Variants in CRKL observed in about 807,000 individuals in gnomAD.
The protein encoded by CRKL is CRK like proto-oncogene, adaptor protein, also known as crk-like protein.
In CRKL, 3 loss-of-function variants were observed where a neutral mutation model predicts 23.0. That is an observed-to-expected ratio of 0.13 (90% CI 0.06 to 0.34). The LOEUF is 0.34. Among genes scored for constraint, CRKL ranks in the 10% least tolerant of loss-of-function variants. The pLI is 1.00. For synonymous variants in CRKL, 188 were observed against 160.7 expected (o/e 1.17, Z -1.28); for missense variants, 256 against 394.5 (o/e 0.65, Z 2.97).
rs936540793 is a variant in CRKL at position 20,933,817 on chromosome 22, A to G, written c.350A>G (p.Asn117Ser). ...SPPMGSVSAP[N>S]LPTAEDNLEY... Reference sequence around the variant, plus strand: ...CCAATGGGATCTGTCTCAGCACCCAACCTGCCTACAGCAGAAGATAACCTG... The same window carrying G: ...CCAATGGGATCTGTCTCAGCACCCAGCCTGCCTACAGCAGAAGATAACCTG... Residue 117 changes from asparagine (N) to serine (S), a missense_variant, in exon 2 of 3, where the codon AAC becomes AGC. This residue lies in a region of CRKL where 42 missense variants were observed against 32.7 expected (regional missense o/e 1.29). Transcript: ENST00000354336. 27 of 1,614,022 alleles carry G rather than the reference A, an allele frequency of 1.7e-5. No individual in the cohort carries two copies. The highest frequency in any genetic ancestry group is 2.2e-5 in the South Asian group (2 of 91,080).
In CRKL at chr22:20,949,908, G is replaced by A. The variant is rs1922202635; in HGVS notation, c.*63G>A. On this transcript the variant is annotated 3_prime_UTR_variant, in exon 3 of 3. Transcript: ENST00000354336. ...CCTGTCCTAGTCTCCTTTGAAGTGG[G>A]AAAGCATTTTCTCTCATAGGCAAGT... is the stretch of plus-strand genomic sequence containing the variant. 1.3e-6 allele frequency: 2 copies of A among 1,545,976 alleles called. No individual in the cohort carries two copies. Among genetic ancestry groups the A allele is most frequent in the South Asian group, 2.5e-5 (2 of 80,688 alleles).
Position 20,917,563 on chromosome 22 carries a change from G to A in CRKL, c.-372G>A. On this transcript the variant is annotated 5_prime_UTR_variant, in exon 1 of 3. Coordinates refer to ENST00000354336, the MANE Select transcript of CRKL (RefSeq NM_005207.4). ...GCCTCGTGTGACGGCGGGGGTCGGT[G>A]AAGACCCGTCGAGCTGCGGCGCCGG... is the stretch of plus-strand genomic sequence containing the variant. The A allele has an allele frequency of 9.7e-6, 3 of 308,008 alleles. No individual in the cohort carries two copies. The highest frequency in any genetic ancestry group is 1.8e-5 in the Non-Finnish European group (3 of 167,396). The allele number at this position is 308,008 out of a possible 1,614,324, so 19.1% of individuals were successfully genotyped here.
In CRKL at chr22:20,933,998, T is replaced by C. The variant is rs1443578907; in HGVS notation, c.531T>C (p.Tyr177=). ...DGRVGMIPVP[Y]VEKLVRSSPH... is the part of the protein sequence containing the mutation. ...GGGTTGGGATGATTCCTGTCCCTTA[T>C]GTCGAAAAGCTTGTGAGATCCTCAC... Residue 177 remains tyrosine, a synonymous_variant, in exon 2 of 3, where the codon TAT becomes TAC. Coordinates refer to ENST00000354336, the MANE Select transcript of CRKL (RefSeq NM_005207.4). The C allele has an allele frequency of 1.9e-6, 3 of 1,614,174 alleles. No homozygotes were observed. Among genetic ancestry groups the C allele is most frequent in the Admixed American group, 1.7e-5 (1 of 60,012 alleles).
At chr22:20,925,016 C>T (rs1054265052) in intron 1 of CRKL, among the ~76,000 whole-genome samples, 9 of 151,766 alleles carry the variant, frequency 5.9e-5, no homozygotes, top group Non-Finnish European at 1.0e-4. Context: ...AGTGAAACCC[C>T]GTCTCTACTA....
intron 2 of CRKL, among the ~76,000 whole-genome samples, chr22:20,943,507 C>G (rs546575424): frequency 1.1e-4 from 16 of 152,186 alleles, no homozygotes; most frequent in Non-Finnish European, 2.1e-4. Flanking sequence ...CCCAAAGTGC[C>G]AGGATTACAG....
intron 1 of CRKL, among the ~76,000 whole-genome samples, chr22:20,922,311 C>G (rs1921023606): frequency 6.6e-6 from 1 of 151,756 alleles, no homozygotes; most frequent in African/African-American, 2.4e-5. Context: ...GTGAGCCACC[C>G]TCTCCGGCCT....
intron 2 of CRKL, among the ~76,000 whole-genome samples, chr22:20,948,010 T>C (rs1192180801): frequency 2.0e-5 from 3 of 152,194 alleles, no homozygotes; most frequent in African/African-American, 7.2e-5. Flanking sequence ...ACTATGTTAT[T>C]ATCTGACAAA....
intron 2 of CRKL, among the ~76,000 whole-genome samples, chr22:20,942,655 C>G (rs1921921734): frequency 6.6e-6 from 1 of 151,654 alleles, no homozygotes; most frequent in African/African-American, 2.4e-5. Context: ...GAGTTTTGCT[C>G]TGTTGCCCAG....
chr22:20,918,896 C>T (rs1929789153), intron 1 of CRKL, among the ~76,000 whole-genome samples: 1 of 151,908 alleles, frequency 6.6e-6, no homozygotes, highest in South Asian at 2.1e-4. Context: ...GGCCAAAAAC[C>T]GTTTTTAAGC....
Position 20,937,933 on chromosome 22 carries a change from G to A in CRKL, c.777+3689G>A, listed in dbSNP as rs143623346. ...CACTCAGGCTGGAGTGCAGTGGCAT[G>A]ATCTCCGCTCGCTGCAACCTCCACC... On this transcript the variant is annotated intron_variant, in intron 2 of 2. Transcript: ENST00000354336. Among the ~76,000 whole-genome samples, 9 of 151,906 alleles carry A rather than the reference G, an allele frequency of 5.9e-5. No individual in the cohort carries two copies. In the East Asian group the frequency reaches 1.7e-3, roughly 29 times the overall value.
At chr22:20,934,884 G>A (rs1028056795) in intron 2 of CRKL, among the ~76,000 whole-genome samples, 1 of 129,218 alleles carries the variant, frequency 7.7e-6, no homozygotes, top group Non-Finnish European at 1.5e-5. Context: ...CTCAATCTCC[G>A]CTCACTGCAA....
chr22:20,946,728 A>AG, intron 2 of CRKL, among the ~76,000 whole-genome samples: 1 of 92,962 alleles, frequency 1.1e-5, no homozygotes, highest in East Asian at 4.7e-4. Context: ...CCCTCCAAAA[A>AG]AAAAAAACAG....
At chr22:20,927,909 C>T (rs549607060) in intron 1 of CRKL, among the ~76,000 whole-genome samples, 3 of 148,022 alleles carry the variant, frequency 2.0e-5, no homozygotes, top group Non-Finnish European at 4.4e-5. Flanking sequence ...TGTCTGTAAT[C>T]CCAGCACTTT....
intron 1 of CRKL, among the ~76,000 whole-genome samples, chr22:20,925,230 T>C (rs1272999998): frequency 2.7e-5 from 4 of 149,300 alleles, no homozygotes; most frequent in African/African-American, 9.9e-5. Flanking sequence ...TGGAAAGTAC[T>C]AGTAGCCATT....
At chr22:20,940,327 CCATCTGTTAGCTAATCG>C (rs986604928) in intron 2 of CRKL, among the ~76,000 whole-genome samples, 1 of 152,112 alleles carries the variant, frequency 6.6e-6, no homozygotes, top group African/African-American at 2.4e-5. Context: ...TTCTCACAAA[CCATCTGTTAGCTAATCG>C]CATCCAGAAT....
chr22:20,921,656 A>G (rs1206464738), intron 1 of CRKL, among the ~76,000 whole-genome samples: 1 of 151,916 alleles, frequency 6.6e-6, no homozygotes, highest in African/African-American at 2.4e-5. Flanking sequence ...GCTTATGTAG[A>G]TGTCCTGAGG....
chr22:20,950,012 C>G lies in CRKL; in HGVS notation c.*167C>G, dbSNP rs1324767763. 3 of 836,402 alleles carry G rather than the reference C, an allele frequency of 3.6e-6. No individual in the cohort carries two copies. The highest frequency in any genetic ancestry group is 5.4e-6 in the Non-Finnish European group (3 of 559,456). 51.8% of individuals were successfully genotyped at this position (836,402 alleles called of 1,614,324 possible). A position where few individuals can be genotyped will look rare whatever the true frequency, so the allele number is the denominator to read the frequency against. On this transcript the variant is annotated 3_prime_UTR_variant, in exon 3 of 3. Coordinates refer to ENST00000354336, the MANE Select transcript of CRKL (RefSeq NM_005207.4). ...TTGGAATGCACACAGCGGCTGCCTC[C>G]TGATGTTTGTATCATAGTCGTATTG...
chr22:20,949,258 TG>T (rs1922179624), intron 2 of CRKL, among the ~76,000 whole-genome samples: 1 of 152,140 alleles, frequency 6.6e-6, no homozygotes, highest in African/African-American at 2.4e-5. Flanking sequence ...CCTGAGTAGT[TG>T]GGACTGCAGT....
rs770839945 is a variant in CRKL, at chr22:20,934,077, G to T, written c.610G>T (p.Ala204Ser). 1.2e-6 allele frequency: 2 copies of T among 1,614,188 alleles called. No homozygotes were observed. The highest frequency in any genetic ancestry group is 1.3e-5 in the African/African-American group (1 of 75,038). Residue 204 changes from alanine (A) to serine (S), a missense_variant, in exon 2 of 3, where the codon GCT (alanine) becomes TCT (serine). Ala to Ser is a moderately conservative substitution (Grantham distance 99). Coordinates refer to ENST00000354336, the MANE Select transcript of CRKL (RefSeq NM_005207.4). The stretch of plus-strand genomic sequence containing the variant: ...CAACAGTTATGGGATCCCAGAACCT[G>T]CTCATGCATACGCTCAACCTCAGAC... ...NSNSYGIPEPAHAYAQPQTTT... is the reference protein window; with the variant it reads ...NSNSYGIPEPSHAYAQPQTTT...
Sources: allele counts gnomAD v4.1 joint callset (sites outside exome capture counted in the v4.1 genomes callset), GRCh38; gene constraint gnomAD v4.1.1; regional missense constraint gnomAD v4.1.1; transcripts MANE v1.5; gene names NCBI Gene and HGNC (gene_info 2026-07-23, HGNC 2026-07-21).